Variants in FAM227B observed in about 807,000 individuals in gnomAD.
FAM227B encodes the protein family with sequence similarity 227 member B.
In FAM227B, 88 loss-of-function variants were observed where a neutral mutation model predicts 73.8. That is an observed-to-expected ratio of 1.19 (90% CI 1.00 to 1.42). The LOEUF is 1.42. Ranked by LOEUF, FAM227B falls within the 40% of genes most tolerant of loss-of-function variation. The probability of loss-of-function intolerance (pLI) is 0.00; values close to 1 mark genes in which losing one functional copy is unlikely to be tolerated. For synonymous variants in FAM227B, 210 were observed against 190.5 expected (o/e 1.10, Z -0.84); for missense variants, 632 against 590.9 (o/e 1.07, Z -0.72).
At position 49,544,566 on chromosome 15, in the gene FAM227B, C is replaced by T. The variant is rs184047251; in HGVS notation, c.748-2760G>A. Among the ~76,000 whole-genome samples, 640 of 152,234 alleles carry T rather than the reference C, an allele frequency of 4.2e-3. 3 individuals are homozygous for T. Among genetic ancestry groups the T allele is most frequent in the African/African-American group, 0.015 (604 of 41,548 alleles). On this transcript the variant is annotated intron_variant, in intron 9 of 15. Coordinates refer to ENST00000299338, the MANE Select transcript of FAM227B (RefSeq NM_152647.3). ...GTTAAATAGAAGTGGTGAAAGTGGG[C>T]ATCCTTGTCTTGTTCCAGTTCTCAG...
chr15:49,462,571 C>T (rs1004273496), intron 11 of FAM227B, among the ~76,000 whole-genome samples: 15 of 152,170 alleles, frequency 9.9e-5, no homozygotes, highest in Non-Finnish European at 2.1e-4. Context: ...GATCCACTTT[C>T]GTTGGCACAG....
At chr15:49,344,847 C>A (rs1025386675) in intron 13 of FAM227B, among the ~76,000 whole-genome samples, 1 of 152,178 alleles carries the variant, frequency 6.6e-6, no homozygotes, top group Non-Finnish European at 1.5e-5. Flanking sequence ...TAATGCCCGT[C>A]TTACTCCCTC....
intron 3 of FAM227B, among the ~76,000 whole-genome samples, chr15:49,607,246 T>C (rs1480261554): frequency 6.6e-6 from 1 of 152,052 alleles, no homozygotes; most frequent in East Asian, 1.9e-4. Context: ...AAGGTCCCCC[T>C]GTCATTTTGA....
chr15:49,523,582 T>C (rs2059938255), intron 10 of FAM227B, among the ~76,000 whole-genome samples: 1 of 152,104 alleles, frequency 6.6e-6, no homozygotes, highest in Admixed American at 6.6e-5. Context: ...GGTACCGGTA[T>C]AGTGGGGTGC....
At chr15:49,427,828 A>G (rs1012351351) in intron 11 of FAM227B, among the ~76,000 whole-genome samples, 23 of 151,926 alleles carry the variant, frequency 1.5e-4, no homozygotes, top group Non-Finnish European at 2.9e-5. Context: ...GCTCGGGTAG[A>G]TGGTTGGAGG....
chr15:49,337,508 C>CTT (rs33973907), intron 13 of FAM227B, among the ~76,000 whole-genome samples: 1,738 of 35,980 alleles, frequency 0.048, 330 homozygotes, highest in African/African-American at 0.084. Flanking sequence ...CATTTACCCA[C>CTT]TTTTTTTTTT....
intron 4 of FAM227B, among the ~76,000 whole-genome samples, chr15:49,589,289 T>G (rs988607267): frequency 6.6e-6 from 1 of 152,102 alleles, no homozygotes; most frequent in Non-Finnish European, 1.5e-5. Flanking sequence ...ACTGATATGT[T>G]TGTTTCTAGT....
chr15:49,532,608 T>C (rs1237703331), intron 10 of FAM227B, among the ~76,000 whole-genome samples: 1 of 151,824 alleles, frequency 6.6e-6, no homozygotes, highest in African/African-American at 2.4e-5. Flanking sequence ...GCATCAAGTA[T>C]GCCATATCTT....
chr15:49,376,911 A>G (rs987933444), intron 11 of FAM227B, among the ~76,000 whole-genome samples: 3 of 151,962 alleles, frequency 2.0e-5, no homozygotes, highest in Non-Finnish European at 2.9e-5. Flanking sequence ...AAAATGTACA[A>G]TTAAGTTATT....
chr15:49,376,850 A>G (rs1473159570), intron 11 of FAM227B, among the ~76,000 whole-genome samples: 1 of 151,980 alleles, frequency 6.6e-6, no homozygotes, highest in Non-Finnish European at 1.5e-5. Context: ...ATTCCTAAGT[A>G]TCTTATTTGT....
At chr15:49,538,347 G>A (rs904317937) in intron 10 of FAM227B, among the ~76,000 whole-genome samples, 1 of 152,192 alleles carries the variant, frequency 6.6e-6, no homozygotes, top group Admixed American at 6.5e-5. Context: ...GGAACCTGGA[G>A]CACTTCATCA....
chr15:49,559,446 C>T (rs529339199), intron 9 of FAM227B, among the ~76,000 whole-genome samples: 2 of 152,234 alleles, frequency 1.3e-5, no homozygotes, highest in Admixed American at 6.5e-5. Flanking sequence ...ACCTACCTAC[C>T]TGCTTATGTT....
At chr15:49,337,954 G>A (rs916027879) in intron 13 of FAM227B, among the ~76,000 whole-genome samples, 10 of 152,086 alleles carry the variant, frequency 6.6e-5, no homozygotes, top group African/African-American at 1.7e-4. Flanking sequence ...GAACACTGCC[G>A]CAATAAACAT....
intron 11 of FAM227B, among the ~76,000 whole-genome samples, chr15:49,505,736 G>A (rs12908624): frequency 0.25 from 37,804 of 151,688 alleles, 5,656 homozygotes; most frequent in Non-Finnish European, 0.35. Context: ...GGAAAACAAA[G>A]AACAGATGGG....
At chr15:49,351,607 A>G (rs2042252646) in intron 13 of FAM227B, among the ~76,000 whole-genome samples, 1 of 152,242 alleles carries the variant, frequency 6.6e-6, no homozygotes, top group Non-Finnish European at 1.5e-5. Context: ...GGTTTTCCGG[A>G]AAGCGGACCT....
chr15:49,536,072 C>A (rs1330359521), intron 10 of FAM227B, among the ~76,000 whole-genome samples: 263 of 113,856 alleles, frequency 2.3e-3, no homozygotes, highest in African/African-American at 5.8e-3. Flanking sequence ...GGCAATCAGA[C>A]AAAAAAAAAA....
At chr15:49,429,260 G>T (rs543381747) in intron 11 of FAM227B, among the ~76,000 whole-genome samples, 2 of 152,086 alleles carry the variant, frequency 1.3e-5, no homozygotes, top group East Asian at 3.9e-4. Context: ...CTGGTGACCC[G>T]CATTCCCTTA....
chr15:49,545,403 G>C (rs1194724551), intron 9 of FAM227B, among the ~76,000 whole-genome samples: 1 of 151,988 alleles, frequency 6.6e-6, no homozygotes, highest in Non-Finnish European at 1.5e-5. Flanking sequence ...GCTTAATCTT[G>C]CTAATGGTGT....
chr15:49,511,447 CTTATT>C (rs1045829968), intron 10 of FAM227B, among the ~76,000 whole-genome samples: 3 of 151,936 alleles, frequency 2.0e-5, no homozygotes, highest in Non-Finnish European at 4.4e-5. Flanking sequence ...GCACATATTT[CTTATT>C]TTATTTTTTC....
Sources: allele counts gnomAD v4.1 joint callset (sites outside exome capture counted in the v4.1 genomes callset), GRCh38; gene constraint gnomAD v4.1.1; transcripts MANE v1.5; gene names NCBI Gene and HGNC (gene_info 2026-07-23, HGNC 2026-07-21).